Variants in BICC1 observed in about 807,000 individuals in gnomAD.
BICC1 encodes protein bicaudal C homolog 1.
BICC1 carries 43 observed loss-of-function variants against 111.0 expected under a neutral mutation model. The ratio of observed to expected loss-of-function variants is 0.39; its 90% CI spans 0.30 to 0.50. BICC1 has a LOEUF of 0.50. BICC1 is among the 20% of genes least tolerant of loss of function. The pLI, the probability that BICC1 is intolerant of heterozygous loss-of-function variation, is 0.88. For synonymous variants in BICC1, 467 were observed against 434.4 expected (o/e 1.07, Z -0.93); for missense variants, 1,091 against 1,203.2 (o/e 0.91, Z 1.38).
intron 1 of BICC1, among the ~76,000 whole-genome samples, chr10:58,572,922 TTGTTA>T (rs1387218383): frequency 8.5e-5 from 13 of 152,180 alleles, no homozygotes; most frequent in Admixed American, 6.6e-4. Context: ...TTCTGTTATG[TTGTTA>T]TGTTATTATG....
At position 58,785,144 on chromosome 10, in the gene BICC1, G is replaced by A. The variant is rs957843089; in HGVS notation, c.387+64G>A. 361 of 912,058 alleles carry A rather than the reference G, an allele frequency of 4.0e-4. 1 individual carries two copies. Among genetic ancestry groups the A allele is most frequent in the Non-Finnish European group, 5.5e-4 (339 of 613,418 alleles). The allele number at this position is 912,058 out of a possible 1,614,324, so 56.5% of individuals were successfully genotyped here. A position where few individuals can be genotyped will look rare whatever the true frequency, so the allele number is the denominator to read the frequency against. Reference sequence around the variant, plus strand: ...GTCTCTACAAGGGCTACTTCATGCCGTTATGAAAGAACCATTTGGAGAAGA... The same window carrying A: ...GTCTCTACAAGGGCTACTTCATGCCATTATGAAAGAACCATTTGGAGAAGA... On this transcript the variant is annotated intron_variant, in intron 4 of 20. Coordinates refer to ENST00000373886, the MANE Select transcript of BICC1 (RefSeq NM_001080512.3).
intron 18 of BICC1, among the ~76,000 whole-genome samples, chr10:58,814,834 GC>G (rs1328293014): frequency 6.6e-6 from 1 of 151,958 alleles, no homozygotes; most frequent in African/African-American, 2.4e-5. Context: ...GATTGAATTA[GC>G]ATCTTAGACC....
At chr10:58,578,806 G>T (rs954136255) in intron 1 of BICC1, among the ~76,000 whole-genome samples, 3 of 152,116 alleles carry the variant, frequency 2.0e-5, no homozygotes, top group Admixed American at 2.0e-4. Flanking sequence ...CCACCTGTGT[G>T]TGCAGGAGTT....
chr10:58,567,829 G>A (rs142549912), intron 1 of BICC1, among the ~76,000 whole-genome samples: 8 of 152,110 alleles, frequency 5.3e-5, no homozygotes, highest in African/African-American at 1.9e-4. Flanking sequence ...CCCAGGGAAG[G>A]CAGTGACGTC....
In BICC1 at chr10:58,549,115, G is replaced by A. The variant is rs1843219964; in HGVS notation, c.190+35782G>A. 2.0e-5 allele frequency among the ~76,000 whole-genome samples: 3 copies of A among 151,324 alleles called. No individual in the cohort carries two copies. The Admixed American group carries it at 2.0e-4, about 10-fold the overall frequency. On this transcript the variant is annotated intron_variant, in intron 1 of 20. Coordinates refer to ENST00000373886, the MANE Select transcript of BICC1 (RefSeq NM_001080512.3). ...CCCATCTTGGCCTCCCAAAGTGCTG[G>A]GACTACAGGCATGAGCCACCTCCCT...
At chr10:58,658,507 A>T (rs1200511319) in intron 2 of BICC1, among the ~76,000 whole-genome samples, 1 of 152,034 alleles carries the variant, frequency 6.6e-6, no homozygotes, top group Non-Finnish European at 1.5e-5. Flanking sequence ...TTAAATGTAG[A>T]TTACCACTAT....
intron 2 of BICC1, among the ~76,000 whole-genome samples, chr10:58,625,939 A>C (rs770913427): frequency 1.3e-5 from 2 of 152,182 alleles, no homozygotes; most frequent in Non-Finnish European, 2.9e-5. Context: ...GTTTTGGTTT[A>C]ATTATTTAAA....
intron 1 of BICC1, among the ~76,000 whole-genome samples, chr10:58,601,198 A>T (rs1845027976): frequency 7.0e-6 from 1 of 143,122 alleles, no homozygotes; most frequent in Non-Finnish European, 1.5e-5. Context: ...GAAAATAAAA[A>T]AAATTTAATA....
At chr10:58,651,618 C>T (rs1160297271) in intron 2 of BICC1, among the ~76,000 whole-genome samples, 2 of 152,134 alleles carry the variant, frequency 1.3e-5, no homozygotes, top group Non-Finnish European at 2.9e-5. Flanking sequence ...GAGATTCTCT[C>T]AGTTCTTTAT....
intron 17 of BICC1, among the ~76,000 whole-genome samples, chr10:58,812,520 C>T (rs1314652546): frequency 6.6e-6 from 1 of 151,252 alleles, no homozygotes; most frequent in Non-Finnish European, 1.5e-5. Flanking sequence ...ACTCTGTTGC[C>T]CAGGCTGAAG....
chr10:58,701,073 A>C (rs559187531), intron 2 of BICC1, among the ~76,000 whole-genome samples: 2 of 152,324 alleles, frequency 1.3e-5, no homozygotes, highest in East Asian at 3.9e-4. Context: ...GTACGTAGCC[A>C]GTACTGAGGA....
chr10:58,642,338 C>A (rs1283368416), intron 2 of BICC1, among the ~76,000 whole-genome samples: 2 of 152,056 alleles, frequency 1.3e-5, no homozygotes, highest in Non-Finnish European at 2.9e-5. Flanking sequence ...TTATGTAGAT[C>A]TTAGCTTGTC....
chr10:58,748,726 C>T (rs935508290), intron 3 of BICC1, among the ~76,000 whole-genome samples: 1 of 152,086 alleles, frequency 6.6e-6, no homozygotes, highest in African/African-American at 2.4e-5. Flanking sequence ...ATTTCTCAAA[C>T]TCGAATGTTC....
chr10:58,721,076 G>T (rs1053834779), intron 3 of BICC1, among the ~76,000 whole-genome samples: 3 of 152,288 alleles, frequency 2.0e-5, no homozygotes, highest in Non-Finnish European at 4.4e-5. Flanking sequence ...GAGCAGCCTC[G>T]AAGTATAACC....
chr10:58,646,139 T>C (rs538321631), intron 2 of BICC1, among the ~76,000 whole-genome samples: 1 of 152,282 alleles, frequency 6.6e-6, no homozygotes, highest in African/African-American at 2.4e-5. Context: ...GTTCATTCGT[T>C]TTTGTTTTCC....
intron 1 of BICC1, among the ~76,000 whole-genome samples, chr10:58,532,671 CAGA>C (rs1290330447): frequency 1.3e-5 from 2 of 151,794 alleles, no homozygotes; most frequent in Non-Finnish European, 2.9e-5. Flanking sequence ...CAACAATTCA[CAGA>C]AGAAGCAATG....
At chr10:58,773,411 C>CT (rs549610902) in intron 3 of BICC1, among the ~76,000 whole-genome samples, 93 of 152,304 alleles carry the variant, frequency 6.1e-4, no homozygotes, top group African/African-American at 2.0e-3. Flanking sequence ...GTAAGAAACT[C>CT]TAACAACGGG....
At chr10:58,718,409 T>C (rs901181270) in intron 3 of BICC1, among the ~76,000 whole-genome samples, 1 of 152,164 alleles carries the variant, frequency 6.6e-6, no homozygotes, top group Non-Finnish European at 1.5e-5. Context: ...CTGTCAGCAT[T>C]GGGGGTAGGT....
intron 3 of BICC1, among the ~76,000 whole-genome samples, chr10:58,731,071 A>G (rs1363001896): frequency 6.6e-6 from 1 of 152,256 alleles, no homozygotes; most frequent in African/African-American, 2.4e-5. Flanking sequence ...GCATATGAGC[A>G]TATGTTATTA....
Sources: allele counts gnomAD v4.1 joint callset (sites outside exome capture counted in the v4.1 genomes callset), GRCh38; gene constraint gnomAD v4.1.1; transcripts MANE v1.5; gene names NCBI Gene and HGNC (gene_info 2026-07-23, HGNC 2026-07-21).